The following PXDNL variants were observed in gnomAD, a reference collection of about 807,000 sequenced individuals.
The protein encoded by PXDNL is probable oxidoreductase PXDNL.
Under a neutral mutation model 150.8 loss-of-function variants are expected in PXDNL, and 145 were observed. The ratio of observed to expected loss-of-function variants is 0.96; its 90% CI spans 0.84 to 1.10. The LOEUF is 1.10. Among genes scored for constraint, PXDNL ranks in the 50% least tolerant of loss-of-function variants. PXDNL has a pLI of 0.00. For synonymous variants in PXDNL, 757 were observed against 725.7 expected, an observed-to-expected ratio of 1.04 and a Z score of -0.69; for missense variants, 2,087 against 1,873.9, an observed-to-expected ratio of 1.11 and a Z score of -2.10.
intron 2 of PXDNL, among the ~76,000 whole-genome samples, chr8:51,631,983 G>T (rs1814497734): frequency 6.6e-6 from 1 of 152,078 alleles, no homozygotes; most frequent in Non-Finnish European, 1.5e-5. Flanking sequence ...AATGACAGAA[G>T]TAAGTCCTTT....
chr8:51,712,859 T>A (rs558669208), intron 1 of PXDNL, among the ~76,000 whole-genome samples: 227 of 152,264 alleles, frequency 1.5e-3, no homozygotes, highest in Middle Eastern at 3.4e-3. Context: ...GTAAGAAAAA[T>A]ATGACTTTTT....
At chr8:51,502,123 T>G (rs183705538) in intron 4 of PXDNL, among the ~76,000 whole-genome samples, 1 of 152,276 alleles carries the variant, frequency 6.6e-6, no homozygotes, top group Admixed American at 6.5e-5. Flanking sequence ...TTACATGTAT[T>G]TAGTCATTTT....
At chr8:51,435,296 G>A (rs1333434919) in intron 12 of PXDNL, among the ~76,000 whole-genome samples, 1 of 152,044 alleles carries the variant, frequency 6.6e-6, no homozygotes, top group Non-Finnish European at 1.5e-5. Context: ...ACTCCAGCCT[G>A]GGTGATAGAG....
chr8:51,451,324 C>G lies in PXDNL; in HGVS notation c.1249+2195G>C, dbSNP rs972142953. ...AGTCAATTTACATTTGTTTCTAACA[C>G]TAAAATGAGCAGCTTGCTAGGTCGA... On this transcript the variant is annotated intron_variant, in intron 10 of 22. Transcript: ENST00000356297. Among the ~76,000 whole-genome samples, 4 of 152,218 alleles carry G rather than the reference C, an allele frequency of 2.6e-5. No individual in the cohort carries two copies. The East Asian group carries it at 5.8e-4, about 22-fold the overall frequency.
At chr8:51,730,866 GACTT>G (rs1467354548) in intron 1 of PXDNL, among the ~76,000 whole-genome samples, 3 of 152,124 alleles carry the variant, frequency 2.0e-5, no homozygotes, top group Admixed American at 1.3e-4. Context: ...GATCTCATGA[GACTT>G]ACTCACTATC....
At chr8:51,496,320 A>G (rs1238546988) in intron 5 of PXDNL, among the ~76,000 whole-genome samples, 1 of 152,216 alleles carries the variant, frequency 6.6e-6, no homozygotes, top group East Asian at 1.9e-4. Flanking sequence ...TACAGCCAAT[A>G]TCATACTGAA....
chr8:51,492,605 G>A (rs1201777216), intron 5 of PXDNL, among the ~76,000 whole-genome samples: 3 of 152,174 alleles, frequency 2.0e-5, no homozygotes, highest in Non-Finnish European at 4.4e-5. Flanking sequence ...TTTTCCAATA[G>A]TCTTAGCAAA....
At chr8:51,773,416 GAGA>G (rs968055717) in intron 1 of PXDNL, among the ~76,000 whole-genome samples, 3 of 152,270 alleles carry the variant, frequency 2.0e-5, no homozygotes, top group African/African-American at 7.2e-5. Context: ...GACCCTCTGG[GAGA>G]AGAAGGGGCT....
chr8:51,444,336 C>G (rs764733164), intron 12 of PXDNL, among the ~76,000 whole-genome samples: 4 of 151,966 alleles, frequency 2.6e-5, no homozygotes, highest in Non-Finnish European at 4.4e-5. Context: ...CCTAGGAAAC[C>G]CCCTCAAGGG....
Position 51,408,263 on chromosome 8 carries a change from C to G in PXDNL, c.3361G>C (p.Glu1121Gln). The part of the protein sequence containing the change: ...WRAPSYLLSP[E>Q]LTQRLFSAAY... ...GCGGAGAAGAGCCTCTGGGTCAGCTCAGGACTGAGAAGGTAGGAGGGTGCC... is the reference window on the plus strand; with the variant it reads ...GCGGAGAAGAGCCTCTGGGTCAGCTGAGGACTGAGAAGGTAGGAGGGTGCC... Residue 1121 changes from glutamate to glutamine, a missense_variant, in exon 17 of 23, where the codon GAG (glutamate) becomes CAG (glutamine). Coordinates refer to ENST00000356297, the MANE Select transcript of PXDNL (RefSeq NM_144651.5). The G allele has an allele frequency of 3.1e-6, 5 of 1,613,956 alleles. No individual in the cohort carries two copies. The highest frequency in any genetic ancestry group is 4.2e-6 in the Non-Finnish European group (5 of 1,179,886).
intron 17 of PXDNL, among the ~76,000 whole-genome samples, chr8:51,383,997 T>C (rs1158194756): frequency 1.3e-5 from 2 of 152,208 alleles, no homozygotes; most frequent in Non-Finnish European, 2.9e-5. Flanking sequence ...CAGCAATGTA[T>C]GGTGTTAATG....
At chr8:51,363,492 G>A (rs1008057045) in intron 19 of PXDNL, among the ~76,000 whole-genome samples, 2 of 152,108 alleles carry the variant, frequency 1.3e-5, no homozygotes, top group Non-Finnish European at 2.9e-5. Flanking sequence ...GTGATTGATT[G>A]AGCAAGCAGG....
intron 1 of PXDNL, among the ~76,000 whole-genome samples, chr8:51,789,545 T>C (rs182543758): frequency 2.0e-5 from 3 of 152,318 alleles, no homozygotes; most frequent in Admixed American, 2.0e-4. Context: ...CCCAAGATCA[T>C]ACACCTTCTT....
chr8:51,377,569 C>T (rs940918742), intron 17 of PXDNL, among the ~76,000 whole-genome samples: 11 of 152,356 alleles, frequency 7.2e-5, no homozygotes, highest in Admixed American at 2.0e-4. Flanking sequence ...CGGGCCAGCG[C>T]GAGTTCCGGG....
At chr8:51,405,444 C>A (rs369167007) in intron 17 of PXDNL, among the ~76,000 whole-genome samples, 2 of 152,124 alleles carry the variant, frequency 1.3e-5, no homozygotes, top group Non-Finnish European at 1.5e-5. Context: ...TGTGAGGATG[C>A]GGGGCTCAAG....
intron 1 of PXDNL, among the ~76,000 whole-genome samples, chr8:51,759,319 A>T (rs972032455): frequency 2.6e-5 from 4 of 152,128 alleles, no homozygotes; most frequent in African/African-American, 9.7e-5. Flanking sequence ...TTTAAATGCC[A>T]CCTTCTCTGG....
At chr8:51,689,812 T>G (rs997056388) in intron 1 of PXDNL, among the ~76,000 whole-genome samples, 1 of 152,232 alleles carries the variant, frequency 6.6e-6, no homozygotes, top group Non-Finnish European at 1.5e-5. Flanking sequence ...GACGTTCCAC[T>G]GAGGCACAGT....
intron 1 of PXDNL, among the ~76,000 whole-genome samples, chr8:51,770,778 T>C (rs2037284862): frequency 6.6e-6 from 1 of 152,186 alleles, no homozygotes; most frequent in Non-Finnish European, 1.5e-5. Context: ...GGGAGAAATA[T>C]TTCAGGATAC....
chr8:51,370,383 G>C (rs993747120), intron 19 of PXDNL, among the ~76,000 whole-genome samples: 3 of 152,064 alleles, frequency 2.0e-5, no homozygotes, highest in African/African-American at 7.2e-5. Flanking sequence ...CCCATCCCAG[G>C]GACATTGGAG....
Sources: gnomAD v4.1 joint callset for allele counts (sites outside exome capture counted in the v4.1 genomes callset) on GRCh38, gnomAD v4.1.1 for gene constraint, MANE v1.5 for transcripts, NCBI Gene and HGNC (gene_info 2026-07-23, HGNC 2026-07-21) for gene names.